The following PRXL2B variants were observed in gnomAD, a reference collection of about 807,000 sequenced individuals.
PRXL2B encodes the protein prostamide/prostaglandin F synthase.
A neutral mutation model predicts 24.4 loss-of-function variants in PRXL2B; 26 were observed. That is an observed-to-expected ratio of 1.07 (90% CI 0.78 to 1.48). The LOEUF is 1.48. Among genes scored for constraint, PRXL2B ranks in the 40% most tolerant of loss-of-function variants. The pLI, the probability that PRXL2B is intolerant of heterozygous loss-of-function variation, is 0.00. For missense variants in PRXL2B, 269 were observed against 264.8 expected (o/e 1.02, Z -0.11); for synonymous variants, 115 against 118.9 (o/e 0.97, Z 0.21).
Position 2,588,362 on chromosome 1 carries a change from T to C in PRXL2B, c.321-28T>C, listed in dbSNP as rs761585500. The C allele has an allele frequency of 5.0e-6, 8 of 1,614,052 alleles. No individual in the cohort carries two copies. In the South Asian group the frequency reaches 6.6e-5, roughly 13 times the overall value. The stretch of plus-strand genomic sequence containing the variant: ...CTCTGGACCCAGGCTTCTCCGGAGT[T>C]TGGCCAAGCGACCTGGTGTCTTCGC... On this transcript the variant is annotated intron_variant, in intron 3 of 6. Coordinates refer to ENST00000419916, the MANE Select transcript of PRXL2B (RefSeq NM_152371.5).
Position 2,586,800 on chromosome 1 carries a change from G to GCCGGGAGCGGGGAT in PRXL2B, c.-83_-70dup. On this transcript the variant is annotated 5_prime_UTR_variant, in exon 1 of 7. Transcript: ENST00000419916. ...GCGGGGCTTGGGGCTGGATCTATGA[G>GCCGGGAGCGGGGAT]CCGGGAGCGGGGATCCAGGAGCGAG... The GCCGGGAGCGGGGAT allele has an allele frequency of 1.6e-6, 2 of 1,261,748 alleles. No individual in the cohort carries two copies. The highest frequency in any genetic ancestry group is 2.0e-6 in the Non-Finnish European group (2 of 1,005,444). The allele number at this position is 1,261,748 out of a possible 1,614,324, so 78.2% of individuals were successfully genotyped here.
Position 2,586,790 on chromosome 1 carries a change from G to T in PRXL2B, c.-96G>T. The T allele has an allele frequency of 7.9e-7, 1 of 1,259,914 alleles. No individual in the cohort carries two copies. 78.0% of individuals were successfully genotyped at this position (1,259,914 alleles called of 1,614,324 possible). A position where few individuals can be genotyped will look rare whatever the true frequency, so the allele number is the denominator to read the frequency against. ...GCATCTCGGGGCGGGGCTTGGGGCT[G>T]GATCTATGAGCCGGGAGCGGGGATC... is the stretch of plus-strand genomic sequence containing the variant. On this transcript the variant is annotated 5_prime_UTR_variant, in exon 1 of 7. Transcript: ENST00000419916.
chr1:2,588,951 C>T lies in PRXL2B; in HGVS notation c.490C>T (p.Gln164Ter), dbSNP rs748149450. The change falls in exon 6 of 7, where the codon CAG becomes TAG. Residue 164 changes from glutamine (Q) to a stop codon, truncating the protein, a stop_gained. Transcript: ENST00000419916. LOFTEE classifies it high-confidence loss of function. Reference sequence around the variant, plus strand: ...TGATAAAGTGCTCCTGCATTTCGTCCAGAAGTCCCCAGGCGACTACGTCCC... The same window carrying T: ...TGATAAAGTGCTCCTGCATTTCGTCTAGAAGTCCCCAGGCGACTACGTCCC... ...GGDKVLLHFV[Q>*]KSPGDYVPKE... is the part of the protein sequence containing the mutation. 3 of 1,613,308 alleles carry T rather than the reference C, an allele frequency of 1.9e-6. No homozygotes were observed. The highest frequency in any genetic ancestry group is 2.2e-5 in the East Asian group (1 of 44,878).
rs375723157 is a variant in PRXL2B, at chr1:2,589,513, G to C, written c.*86G>C. 2 of 1,596,296 alleles carry C rather than the reference G, an allele frequency of 1.3e-6. No homozygotes were observed. The highest frequency in any genetic ancestry group is 1.1e-5 in the South Asian group (1 of 90,268). ...GAAGTCCACTTGGAAGAACTGTTCCGGAGGCGCTGGGTCGGGATGCCGAAC... is the reference window on the plus strand; with the variant it reads ...GAAGTCCACTTGGAAGAACTGTTCCCGAGGCGCTGGGTCGGGATGCCGAAC... On this transcript the variant is annotated 3_prime_UTR_variant, in exon 7 of 7. Coordinates refer to ENST00000419916, the MANE Select transcript of PRXL2B (RefSeq NM_152371.5).
chr1:2,588,327 C>G, intron 3 of PRXL2B, 63 bp from the exon 4 acceptor site: 1 of 1,612,752 alleles, frequency 6.2e-7, no homozygotes, highest in Admixed American at 1.7e-5. Context: ...CTCATGGACA[C>G]TGGAGCAGGC....
At position 2,587,522 on chromosome 1, in the gene PRXL2B, C is replaced by T. The variant is rs1035072876; in HGVS notation, c.269-219C>T. Among the ~76,000 whole-genome samples the T allele has an allele frequency of 6.6e-6, 1 of 152,166 alleles. No individual in the cohort carries two copies. Among genetic ancestry groups the T allele is most frequent in the African/African-American group, 2.4e-5 (1 of 41,434 alleles). On this transcript the variant is annotated intron_variant, in intron 2 of 6. Coordinates refer to ENST00000419916, the MANE Select transcript of PRXL2B (RefSeq NM_152371.5). The surrounding 1 kb of genome is among the most constrained non-coding windows in gnomAD (Gnocchi z 6.1). ...AGCAGAGTCTGGACGAGCTCTGCCC[C>T]GCCGGCTCCACCTGTTGCCTCTGGG...
At chr1:2,588,215 A>C in intron 3 of PRXL2B, 175 bp from the exon 4 acceptor site, 1 of 814,156 alleles carries the variant, frequency 1.2e-6, no homozygotes, top group South Asian at 1.6e-5. Flanking sequence ...CTCGGTGTCC[A>C]ACCTGCCGGT....
Position 2,587,779 on chromosome 1 carries a change from C to G in PRXL2B, c.307C>G (p.Leu103Val), listed in dbSNP as rs763873475. ...LDESKQLYKE[L>V]GFKRYNSLSI... ...TGAGAGCAAGCAGCTTTACAAGGAG[C>G]TAGGCTTCAAGCGGTGAGTGGGGGC... Residue 103 changes from leucine to valine, a missense_variant, in exon 3 of 7, where the codon CTA (leucine) becomes GTA (valine). Transcript: ENST00000419916. The surrounding 1 kb of genome is among the most constrained non-coding windows in gnomAD (Gnocchi z 6.1). 1 of 1,597,734 alleles carries G rather than the reference C, an allele frequency of 6.3e-7. No individual in the cohort carries two copies. The highest frequency in any genetic ancestry group is 1.3e-5 in the African/African-American group (1 of 74,410).
chr1:2,590,119 GC>G lies in PRXL2B; in HGVS notation c.*696del, dbSNP rs1644644552. 6.6e-6 allele frequency: 1 copy of G among 152,598 alleles called. No homozygotes were observed. Among genetic ancestry groups the G allele is most frequent in the African/African-American group, 2.4e-5 (1 of 41,416 alleles). 9.5% of individuals were successfully genotyped at this position (152,598 alleles called of 1,614,324 possible). On this transcript the variant is annotated 3_prime_UTR_variant, in exon 7 of 7. Coordinates refer to ENST00000419916, the MANE Select transcript of PRXL2B (RefSeq NM_152371.5). ...GGGACCCTAACAGGCCCAGAGCAGA[GC>G]CCCTTACCTCCCAGGTCAGACTACC...
rs553452833 is a variant in PRXL2B, at chr1:2,587,956, C to T, written c.320+164C>T. ...ACTGTTGACCAGCCCTTCTGCCAGG[C>T]CTTCTCTTGGGTGCTGGGTGACTGT... On this transcript the variant is annotated intron_variant, in intron 3 of 6. Coordinates refer to ENST00000419916, the MANE Select transcript of PRXL2B (RefSeq NM_152371.5). This position sits in a 1 kb window ranked among gnomAD's most constrained non-coding sequence, Gnocchi z 6.1. Among the ~76,000 whole-genome samples, 3 of 152,066 alleles carry T rather than the reference C, an allele frequency of 2.0e-5. No homozygotes were observed. Among genetic ancestry groups the T allele is most frequent in the Non-Finnish European group, 2.9e-5 (2 of 67,990 alleles).
At position 2,586,803 on chromosome 1, in the gene PRXL2B, G is replaced by GGGAGCGGGGATCCA. The variant is rs1644526107; in HGVS notation, c.-76_-63dup. The GGGAGCGGGGATCCA allele has an allele frequency of 2.4e-6, 3 of 1,262,218 alleles. No individual in the cohort carries two copies. The highest frequency in any genetic ancestry group is 6.3e-5 in the East Asian group (2 of 31,828). 78.2% of individuals were successfully genotyped at this position (1,262,218 alleles called of 1,614,324 possible). On this transcript the variant is annotated 5_prime_UTR_variant, in exon 1 of 7. Transcript: ENST00000419916. ...GGGCTTGGGGCTGGATCTATGAGCC[G>GGGAGCGGGGATCCA]GGAGCGGGGATCCAGGAGCGAGGAG...
intron 5 of PRXL2B, 112 bp downstream of exon 5, chr1:2,588,737 G>T: frequency 1.5e-6 from 2 of 1,297,724 alleles, no homozygotes; most frequent in Non-Finnish European, 2.2e-6. Context: ...CCCCTCCGCC[G>T]CAATGTGGCC....
Position 2,587,832 on chromosome 1 carries a change from G to T in PRXL2B, c.320+40G>T. 1.3e-6 allele frequency: 2 copies of T among 1,562,220 alleles called. No homozygotes were observed. The highest frequency in any genetic ancestry group is 1.7e-6 in the Non-Finnish European group (2 of 1,151,282). On this transcript the variant is annotated intron_variant, in intron 3 of 6. Coordinates refer to ENST00000419916, the MANE Select transcript of PRXL2B (RefSeq NM_152371.5). The surrounding 1 kb of genome is among the most constrained non-coding windows in gnomAD (Gnocchi z 6.1). ...GAACCCTTGGGTAGCGTGGGGTGGG[G>T]GGCCCAGGGGTTCCCACCGCTCCCT...
intron 3 of PRXL2B, among the ~76,000 whole-genome samples, chr1:2,588,132 T>C (rs1644572753): frequency 6.6e-6 from 1 of 152,152 alleles, no homozygotes; most frequent in Admixed American, 6.5e-5. Context: ...GCCAGATCCC[T>C]GGGCACACCC....
rs767966847 is a variant in PRXL2B, at chr1:2,590,558, AC to A, written c.*1136del. The A allele has an allele frequency of 2.7e-4, 42 of 157,152 alleles. No homozygotes were observed. Among genetic ancestry groups the A allele is most frequent in the Non-Finnish European group, 5.0e-4 (36 of 72,288 alleles). 9.7% of individuals were successfully genotyped at this position (157,152 alleles called of 1,614,324 possible). ...CAGCTCCCAGCTGTCACTCTCTCCC[AC>A]CCCCGGGCAGCTGTTTTGCCCAAGA... is the stretch of plus-strand genomic sequence containing the variant. On this transcript the variant is annotated 3_prime_UTR_variant, in exon 7 of 7. Coordinates refer to ENST00000419916, the MANE Select transcript of PRXL2B (RefSeq NM_152371.5).
chr1:2,588,948 G>T lies in PRXL2B; in HGVS notation c.487G>T (p.Val163Phe). Reference protein sequence around the residue: ...KGGDKVLLHFVQKSPGDYVPK... With the variant: ...KGGDKVLLHFFQKSPGDYVPK... ...TGGTGATAAAGTGCTCCTGCATTTC[G>T]TCCAGAAGTCCCCAGGCGACTACGT... Residue 163 changes from valine to phenylalanine, a missense_variant, in exon 6 of 7, where the codon GTC becomes TTC. Physicochemically the swap from Val to Phe is conservative, Grantham distance 50. Coordinates refer to ENST00000419916, the MANE Select transcript of PRXL2B (RefSeq NM_152371.5). The T allele has an allele frequency of 6.2e-7, 1 of 1,613,292 alleles. No homozygotes were observed. The highest frequency in any genetic ancestry group is 8.5e-7 in the Non-Finnish European group (1 of 1,179,988).
rs758546704 is a variant in PRXL2B, at chr1:2,588,385, C to G, written c.321-5C>G. 2 of 1,614,144 alleles carry G rather than the reference C, an allele frequency of 1.2e-6. No individual in the cohort carries two copies. Among genetic ancestry groups the G allele is most frequent in the African/African-American group, 1.3e-5 (1 of 75,038 alleles). ...GTTTGGCCAAGCGACCTGGTGTCTT[C>G]GCAGGTACAACAGCCTGAGCATCCT... On this transcript the variant is annotated splice_polypyrimidine_tract_variant and splice_region_variant and intron_variant, in intron 3 of 6. Transcript: ENST00000419916.
Position 2,591,238 on chromosome 1 carries a change from C to T in PRXL2B, c.*1811C>T, listed in dbSNP as rs111427456. 217 of 607,460 alleles carry T rather than the reference C, an allele frequency of 3.6e-4. No homozygotes were observed. In the African/African-American group the frequency reaches 3.9e-3, roughly 11 times the overall value. 37.6% of individuals were successfully genotyped at this position (607,460 alleles called of 1,614,324 possible). A position where few individuals can be genotyped will look rare whatever the true frequency, so the allele number is the denominator to read the frequency against. On this transcript the variant is annotated 3_prime_UTR_variant, in exon 7 of 7. Transcript: ENST00000419916. ...GAAACATTTCAACCATGAGATAAACCCCCATCTGACCAGAAACATGCCAAT... is the reference window on the plus strand; with the variant it reads ...GAAACATTTCAACCATGAGATAAACTCCCATCTGACCAGAAACATGCCAAT...
In PRXL2B at chr1:2,587,826, G is replaced by A. The variant is rs368154038; in HGVS notation, c.320+34G>A. ...GGGCGGGAACCCTTGGGTAGCGTGG[G>A]GTGGGGGGCCCAGGGGTTCCCACCG... On this transcript the variant is annotated intron_variant, in intron 3 of 6. Coordinates refer to ENST00000419916, the MANE Select transcript of PRXL2B (RefSeq NM_152371.5). The surrounding 1 kb of genome is among the most constrained non-coding windows in gnomAD (Gnocchi z 6.1). The A allele has an allele frequency of 6.4e-7, 1 of 1,564,706 alleles. No individual in the cohort carries two copies. Among genetic ancestry groups the A allele is most frequent in the Non-Finnish European group, 8.7e-7 (1 of 1,151,086 alleles).
Sources: gnomAD v4.1 joint callset for allele counts (sites outside exome capture counted in the v4.1 genomes callset) on GRCh38, gnomAD v4.1.1 for gene constraint, Gnocchi (gnomAD v3.1) non-coding constraint, MANE v1.5 for transcripts, NCBI Gene and HGNC (gene_info 2026-07-23, HGNC 2026-07-21) for gene names.